The following TNFRSF21 variants were observed in gnomAD, a reference collection of about 807,000 sequenced individuals.
TNFRSF21 encodes TNF receptor superfamily member 21, also known as tumor necrosis factor receptor superfamily member 21.
Under a neutral mutation model 45.6 loss-of-function variants are expected in TNFRSF21, and 19 were observed. That is an observed-to-expected ratio of 0.42 (90% confidence interval 0.29 to 0.61). TNFRSF21 has a LOEUF of 0.61. Among genes scored for constraint, TNFRSF21 ranks in the 20% least tolerant of loss-of-function variants. The pLI is 0.23. For synonymous variants in TNFRSF21, 314 were observed against 335.5 expected, an observed-to-expected ratio of 0.94 and a Z score of 0.70; for missense variants, 737 against 851.5, an observed-to-expected ratio of 0.87 and a Z score of 1.67.
intron 4 of TNFRSF21, among the ~76,000 whole-genome samples, chr6:47,247,963 T>C (rs1764847503): frequency 6.6e-6 from 1 of 152,228 alleles, no homozygotes. Context: ...CTTAATCTTA[T>C]GGAAGGAGAG....
intron 3 of TNFRSF21, among the ~76,000 whole-genome samples, chr6:47,274,330 C>T (rs749209631): frequency 1.3e-4 from 20 of 152,098 alleles, no homozygotes; most frequent in Admixed American, 7.9e-4. Context: ...AGAAATAACA[C>T]CACACACATC....
intron 4 of TNFRSF21, among the ~76,000 whole-genome samples, chr6:47,249,559 C>A (rs1014523330): frequency 2.0e-5 from 3 of 152,148 alleles, no homozygotes; most frequent in African/African-American, 7.2e-5. Flanking sequence ...GAAGTTGAAG[C>A]TCCAGGAGGA....
chr6:47,277,270 G>A (rs1013331192), intron 3 of TNFRSF21, among the ~76,000 whole-genome samples: 1 of 152,242 alleles, frequency 6.6e-6, no homozygotes, highest in Non-Finnish European at 1.5e-5. Flanking sequence ...GGGATTACAG[G>A]CGTGAGCCAC....
intron 1 of TNFRSF21, among the ~76,000 whole-genome samples, chr6:47,298,737 C>T (rs189109483): frequency 3.1e-4 from 47 of 152,252 alleles, no homozygotes; most frequent in Non-Finnish European, 5.3e-4. Flanking sequence ...AACCACATGA[C>T]CCATAAAGCT....
chr6:47,296,750 C>T (rs1762795856), intron 1 of TNFRSF21, among the ~76,000 whole-genome samples: 1 of 152,214 alleles, frequency 6.6e-6, no homozygotes, highest in South Asian at 2.1e-4. Context: ...GGCATGGAAG[C>T]TCCATGCCCC....
intron 3 of TNFRSF21, among the ~76,000 whole-genome samples, chr6:47,261,588 C>G (rs1275253170): frequency 6.6e-6 from 1 of 152,216 alleles, no homozygotes; most frequent in Non-Finnish European, 1.5e-5. Context: ...TCTATGGTGT[C>G]CTATGCTCAC....
At chr6:47,304,690 CT>C (rs1225628630) in intron 1 of TNFRSF21, among the ~76,000 whole-genome samples, 4 of 152,216 alleles carry the variant, frequency 2.6e-5, no homozygotes, top group African/African-American at 9.7e-5. Flanking sequence ...GGATATATGC[CT>C]TTTCAAGCCT....
intron 1 of TNFRSF21, among the ~76,000 whole-genome samples, chr6:47,299,585 G>T (rs1762838156): frequency 1.3e-5 from 2 of 152,074 alleles, no homozygotes; most frequent in Admixed American, 6.6e-5. Flanking sequence ...TGTATATAAA[G>T]AATTCATGCA....
At chr6:47,242,640 C>T (rs1764763150) in intron 4 of TNFRSF21, among the ~76,000 whole-genome samples, 3 of 152,202 alleles carry the variant, frequency 2.0e-5, no homozygotes, top group Non-Finnish European at 4.4e-5. Flanking sequence ...GGGGCAGCCC[C>T]GCCCCGCTAC....
At chr6:47,261,195 C>T (rs1253988500) in intron 3 of TNFRSF21, among the ~76,000 whole-genome samples, 1 of 152,218 alleles carries the variant, frequency 6.6e-6, no homozygotes, top group African/African-American at 2.4e-5. Flanking sequence ...ACAGCACATA[C>T]AGCAACTATA....
At chr6:47,300,036 T>C (rs377014776) in intron 1 of TNFRSF21, among the ~76,000 whole-genome samples, 2 of 152,228 alleles carry the variant, frequency 1.3e-5, no homozygotes, top group Non-Finnish European at 2.9e-5. Flanking sequence ...ACTTCATTAG[T>C]GCTGCTTGCA....
chr6:47,289,269 TTCTG>T (rs376113644), intron 1 of TNFRSF21, among the ~76,000 whole-genome samples: 101 of 152,248 alleles, frequency 6.6e-4, no homozygotes, highest in African/African-American at 2.4e-3. Flanking sequence ...TGATCAGAGT[TTCTG>T]TCTTTTTAGC....
rs188871831 is a variant in TNFRSF21 at position 47,294,378 on chromosome 6, G to A, written c.97-7783C>T. Among the ~76,000 whole-genome samples, 141 of 152,306 alleles carry A rather than the reference G, an allele frequency of 9.3e-4. 1 individual carries two copies. Among genetic ancestry groups the A allele is most frequent in the African/African-American group, 3.0e-3 (124 of 41,574 alleles). ...AGGATGGTCTCCATCTCCTGACCTC[G>A]TGATCCGCCTGCCTCAGCCTTCCAA... On this transcript the variant is annotated intron_variant, in intron 1 of 5. Coordinates refer to ENST00000296861, the MANE Select transcript of TNFRSF21 (RefSeq NM_014452.5).
rs1479535751 is a variant in TNFRSF21, at chr6:47,284,079, A to G, written c.1102T>C (p.Cys368Arg). 4 of 1,614,076 alleles carry G rather than the reference A, an allele frequency of 2.5e-6. No individual in the cohort carries two copies. The highest frequency in any genetic ancestry group is 3.4e-6 in the Non-Finnish European group (4 of 1,180,044). The change falls in exon 3 of 6, where the codon TGC becomes CGC. Residue 368 changes from cysteine (C) to arginine (R), a missense_variant. Physicochemically the swap from Cys to Arg is radical, Grantham distance 180. Coordinates refer to ENST00000296861, the MANE Select transcript of TNFRSF21 (RefSeq NM_014452.5). ...GTCCTCGAGCTTTTCCGGATACTGCACACCACAATCACCACAAGCACCAGC... is the reference window on the plus strand; with the variant it reads ...GTCCTCGAGCTTTTCCGGATACTGCGCACCACAATCACCACAAGCACCAGC... ...LLLVLVVIVV[C>R]SIRKSSRTLK...
intron 1 of TNFRSF21, among the ~76,000 whole-genome samples, chr6:47,293,915 C>T (rs529204591): frequency 6.6e-6 from 1 of 152,254 alleles, no homozygotes; most frequent in South Asian, 2.1e-4. Flanking sequence ...ACCCATTTTT[C>T]TGTTTAGCAT....
At chr6:47,245,743 T>C (rs112371559) in intron 4 of TNFRSF21, among the ~76,000 whole-genome samples, 65 of 152,336 alleles carry the variant, frequency 4.3e-4, no homozygotes, top group Non-Finnish European at 6.8e-4. Flanking sequence ...ATATCTGTAT[T>C]AGTCAGTTTT....
intron 4 of TNFRSF21, among the ~76,000 whole-genome samples, chr6:47,235,622 G>A (rs1764656270): frequency 6.6e-6 from 1 of 152,174 alleles, no homozygotes; most frequent in African/African-American, 2.4e-5. Flanking sequence ...GCTTCACAGG[G>A]AAGGAAACTG....
intron 3 of TNFRSF21, among the ~76,000 whole-genome samples, chr6:47,283,531 A>G (rs1013241286): frequency 7.2e-5 from 11 of 152,248 alleles, no homozygotes; most frequent in Non-Finnish European, 1.3e-4. Context: ...CTAATCGTAT[A>G]GCAAAAGCAA....
At position 47,297,019 on chromosome 6, in the gene TNFRSF21, T is replaced by C. The variant is rs183542264; in HGVS notation, c.97-10424A>G. 4.7e-4 allele frequency among the ~76,000 whole-genome samples: 72 copies of C among 152,296 alleles called. 1 individual carries two copies. The highest frequency in any genetic ancestry group is 4.7e-3 in the Admixed American group (72 of 15,300). On this transcript the variant is annotated intron_variant, in intron 1 of 5. Coordinates refer to ENST00000296861, the MANE Select transcript of TNFRSF21 (RefSeq NM_014452.5). The stretch of plus-strand genomic sequence containing the variant: ...AGCACAGGCAAAATAACCTGCGGCT[T>C]ATGCTTGACATCAGATATTGGGGGC...
Sources: allele counts gnomAD v4.1 joint callset (sites outside exome capture counted in the v4.1 genomes callset), GRCh38; gene constraint gnomAD v4.1.1; transcripts MANE v1.5; gene names NCBI Gene and HGNC (gene_info 2026-07-23, HGNC 2026-07-21).